ARID3A: variants seen among roughly 807,000 people sequenced by gnomAD.
ARID3A encodes the protein AT-rich interactive domain-containing protein 3A.
In ARID3A, 11 loss-of-function variants were observed where a neutral mutation model predicts 52.7. The ratio of observed to expected loss-of-function variants is 0.21; its 90% CI spans 0.13 to 0.35. The LOEUF is 0.35. ARID3A is among the 10% of genes least tolerant of loss of function. The pLI is 1.00. For synonymous variants in ARID3A, 404 were observed against 359.4 expected (o/e 1.12, Z -1.40); for missense variants, 721 against 838.5 (o/e 0.86, Z 1.73).
At chr19:970,823 G>T (rs1361941628) in intron 8 of ARID3A, among the ~76,000 whole-genome samples, 1 of 152,098 alleles carries the variant, frequency 6.6e-6, no homozygotes, top group African/African-American at 2.4e-5. Flanking sequence ...GTTCATAGTG[G>T]CCACCAGGTG....
chr19:966,211 G>A (rs914873660), intron 6 of ARID3A, among the ~76,000 whole-genome samples: 9 of 150,874 alleles, frequency 6.0e-5, no homozygotes, highest in Non-Finnish European at 1.2e-4. Flanking sequence ...TGTAATCCCA[G>A]CACTTTGGGA....
intron 3 of ARID3A, among the ~76,000 whole-genome samples, chr19:945,182 C>T (rs2037651426): frequency 6.6e-6 from 1 of 152,224 alleles, no homozygotes; most frequent in South Asian, 2.1e-4. Flanking sequence ...CCTGGGCACA[C>T]CAACATGCAG....
At chr19:954,939 C>G (rs892815923) in intron 3 of ARID3A, among the ~76,000 whole-genome samples, 2 of 152,280 alleles carry the variant, frequency 1.3e-5, no homozygotes, top group South Asian at 2.1e-4. Context: ...GAGTGCGGGC[C>G]GCTTATCTCG....
Position 932,591 on chromosome 19 carries a change from A to AT in ARID3A, c.542_543insT (p.Gln181HisfsTer39). The AT allele has an allele frequency of 6.6e-7, 1 of 1,516,142 alleles. No homozygotes were observed. The highest frequency in any genetic ancestry group is 8.8e-7 in the Non-Finnish European group (1 of 1,134,040). The allele number at this position is 1,516,142 out of a possible 1,614,324, so 93.9% of individuals were successfully genotyped here. Reference sequence around the variant, plus strand: ...TTCCCCCGAAAGGCCCAGCCACCCCAGGCCTTCCGCGGCGATGGCGTTCCC... The same window carrying AT: ...TTCCCCCGAAAGGCCCAGCCACCCCATGGCCTTCCGCGGCGATGGCGTTCCC... On this transcript the variant is annotated frameshift_variant, in exon 3 of 9. Transcript: ENST00000263620. LOFTEE classifies it high-confidence loss of function.
chr19:933,527 G>C (rs901356406), intron 3 of ARID3A, among the ~76,000 whole-genome samples: 3 of 152,184 alleles, frequency 2.0e-5, no homozygotes, highest in African/African-American at 7.2e-5. Flanking sequence ...TCCTCGCCCG[G>C]GGCTGGAGCT....
chr19:951,461 G>A (rs983776206), intron 3 of ARID3A, among the ~76,000 whole-genome samples: 1 of 152,072 alleles, frequency 6.6e-6, no homozygotes, highest in Non-Finnish European at 1.5e-5. Context: ...GGAGGCTGAG[G>A]TGGGAGGATC....
intron 3 of ARID3A, among the ~76,000 whole-genome samples, chr19:948,389 G>A (rs1301244663): frequency 1.3e-5 from 2 of 152,126 alleles, no homozygotes; most frequent in African/African-American, 2.4e-5. Flanking sequence ...TTTCCGGGAC[G>A]GGAAAAACAG....
intron 8 of ARID3A, 191 bp downstream of exon 8, chr19:968,694 T>C: frequency 1.7e-6 from 1 of 573,480 alleles, no homozygotes; most frequent in Admixed American, 3.1e-5. Context: ...GGTACCACGC[T>C]CAGCCCAGAG....
At chr19:931,016 G>C (rs959651262) in intron 2 of ARID3A, among the ~76,000 whole-genome samples, 18 of 152,088 alleles carry the variant, frequency 1.2e-4, no homozygotes, top group African/African-American at 4.1e-4. Context: ...CAAAGATGCT[G>C]GGCGCAGTGG....
chr19:930,226 G>A (rs1205889991), intron 2 of ARID3A, among the ~76,000 whole-genome samples: 2 of 151,468 alleles, frequency 1.3e-5, no homozygotes, highest in African/African-American at 2.4e-5. Flanking sequence ...CTCCAGCCTG[G>A]ATGACAGAGA....
rs528823249 is a variant in ARID3A at position 974,482 on chromosome 19, G to A, written c.*2417G>A. On this transcript the variant is annotated 3_prime_UTR_variant, in exon 9 of 9. Coordinates refer to ENST00000263620, the MANE Select transcript of ARID3A (RefSeq NM_005224.3). The stretch of plus-strand genomic sequence containing the variant: ...TCCTCTCCCGGGACCCCCGTCCCAC[G>A]CCTGGGCCCCGCGCCGGGGGAAGCG... 8.7e-6 allele frequency: 2 copies of A among 230,846 alleles called. No individual in the cohort carries two copies. The highest frequency in any genetic ancestry group is 6.1e-5 in the East Asian group (1 of 16,344). The allele number at this position is 230,846 out of a possible 1,614,324, so 14.3% of individuals were successfully genotyped here.
intron 4 of ARID3A, among the ~76,000 whole-genome samples, chr19:963,839 C>A (rs1396069321): frequency 6.6e-6 from 1 of 152,214 alleles, no homozygotes; most frequent in Non-Finnish European, 1.5e-5. Flanking sequence ...CTGCCTGAGG[C>A]TGCAGAGCCC....
chr19:965,147 G>A, intron 6 of ARID3A, 67 bp downstream of exon 6: 2 of 1,494,918 alleles, frequency 1.3e-6, no homozygotes, highest in Non-Finnish European at 1.8e-6. Flanking sequence ...CTGACCTTGG[G>A]GGATACCTCT....
Position 974,367 on chromosome 19 carries a change from AG to A in ARID3A, c.*2307del. 4.4e-6 allele frequency: 1 copy of A among 227,636 alleles called. No individual in the cohort carries two copies. The highest frequency in any genetic ancestry group is 8.7e-6 in the Non-Finnish European group (1 of 114,478). The allele number at this position is 227,636 out of a possible 1,614,324, so 14.1% of individuals were successfully genotyped here. On this transcript the variant is annotated 3_prime_UTR_variant, in exon 9 of 9. Coordinates refer to ENST00000263620, the MANE Select transcript of ARID3A (RefSeq NM_005224.3). ...CCGTAGCAGCACAATCACCCCGGGAAGGGGGTGTCTGTTTGCCTCCAGACAC... is the reference window on the plus strand; with the variant it reads ...CCGTAGCAGCACAATCACCCCGGGAAGGGGTGTCTGTTTGCCTCCAGACAC...
In ARID3A at chr19:941,325, T is replaced by C. The variant is rs57616273; in HGVS notation, c.693+8583T>C. Among the ~76,000 whole-genome samples, 12,737 of 152,192 alleles carry C rather than the reference T, an allele frequency of 0.084. 627 individuals carry two copies. Among genetic ancestry groups the C allele is most frequent in the East Asian group, 0.26 (1,359 of 5,134 alleles). On this transcript the variant is annotated intron_variant, in intron 3 of 8. Transcript: ENST00000263620. This position sits in a 1 kb window ranked among gnomAD's most constrained non-coding sequence, Gnocchi z 6.9. ...GACCCTGCCTGGGAGGGAATCTTGCTCCAGACACAGCATCTTCGGACCCTC... is the reference window on the plus strand; with the variant it reads ...GACCCTGCCTGGGAGGGAATCTTGCCCCAGACACAGCATCTTCGGACCCTC...
At chr19:951,257 T>G (rs929678955) in intron 3 of ARID3A, among the ~76,000 whole-genome samples, 3 of 149,278 alleles carry the variant, frequency 2.0e-5, no homozygotes, top group Non-Finnish European at 4.5e-5. Flanking sequence ...ACACCCAGCC[T>G]TTTATAAGAT....
At position 972,157 on chromosome 19, in the gene ARID3A, A is replaced by G. The variant is rs908234480; in HGVS notation, c.*92A>G. On this transcript the variant is annotated 3_prime_UTR_variant, in exon 9 of 9. Transcript: ENST00000263620. ...CACACAGGGGCCAGGATGGCGGAAG[A>G]TACGGGTGGGGAGGGAAGATATCCA... 39 of 1,256,796 alleles carry G rather than the reference A, an allele frequency of 3.1e-5. No individual in the cohort carries two copies. The highest frequency in any genetic ancestry group is 4.0e-5 in the Non-Finnish European group (38 of 939,012). 77.9% of individuals were successfully genotyped at this position (1,256,796 alleles called of 1,614,324 possible).
rs1001242051 is a variant in ARID3A at position 960,042 on chromosome 19, C to G, written c.694-50C>G. 1.9e-6 allele frequency: 3 copies of G among 1,540,108 alleles called. No individual in the cohort carries two copies. The highest frequency in any genetic ancestry group is 1.8e-6 in the Non-Finnish European group (2 of 1,119,746). On this transcript the variant is annotated intron_variant, in intron 3 of 8. Transcript: ENST00000263620. The surrounding 1 kb of genome is among the most constrained non-coding windows in gnomAD (Gnocchi z 4.3). ...TCCAGTGCAGGAGGGACATGGTTCC[C>G]ACACCTGAGCTCTGGCACCAACTAA...
intron 4 of ARID3A, among the ~76,000 whole-genome samples, chr19:961,205 G>A (rs180988803): frequency 2.7e-3 from 406 of 152,238 alleles, no homozygotes; most frequent in South Asian, 0.017. Flanking sequence ...ACTTGGGGCC[G>A]TCACAGGGGC....
Sources: allele counts gnomAD v4.1 joint callset (sites outside exome capture counted in the v4.1 genomes callset), GRCh38; gene constraint gnomAD v4.1.1; non-coding constraint Gnocchi (gnomAD v3.1); transcripts MANE v1.5; gene names NCBI Gene and HGNC (gene_info 2026-07-23, HGNC 2026-07-21).